ELOVL7: variants seen among roughly 807,000 people sequenced by gnomAD.
ELOVL7 encodes ELOVL fatty acid elongase 7, also known as very long chain fatty acid elongase 7.
ELOVL7 carries 27 observed loss-of-function variants against 35.7 expected under a neutral mutation model. The ratio of observed to expected loss-of-function variants is 0.76; its 90% confidence interval spans 0.56 to 1.04. The LOEUF (loss-of-function observed/expected upper bound fraction) is 1.04. ELOVL7 is among the 50% of genes least tolerant of loss of function. The pLI, the probability that ELOVL7 is intolerant of heterozygous loss-of-function variation, is 0.00. For missense variants in ELOVL7, 327 were observed against 340.8 expected, an observed-to-expected ratio of 0.96 and a Z score of 0.32; for synonymous variants, 113 against 114.6, an observed-to-expected ratio of 0.99 and a Z score of 0.09.
At chr5:60,765,567 A>G (rs1056951013) in intron 6 of ELOVL7, among the ~76,000 whole-genome samples, 2 of 152,190 alleles carry the variant, frequency 1.3e-5, no homozygotes, top group African/African-American at 2.4e-5. Flanking sequence ...CCCTGGACCA[A>G]TAAGTATTAG....
At chr5:60,818,715 A>G (rs1377450373) in intron 1 of ELOVL7, among the ~76,000 whole-genome samples, 1 of 152,022 alleles carries the variant, frequency 6.6e-6, no homozygotes, top group Non-Finnish European at 1.5e-5. Context: ...CATGGATTTA[A>G]GAAAACTTGA....
intron 3 of ELOVL7, chr5:60,783,966 T>A: frequency 1.7e-6 from 1 of 580,470 alleles, no homozygotes; most frequent in Non-Finnish European, 3.2e-6. Flanking sequence ...AAGCAGAGGA[T>A]GGGAAGGCAG....
intron 1 of ELOVL7, among the ~76,000 whole-genome samples, chr5:60,833,399 TG>T (rs1746601383): frequency 6.6e-6 from 1 of 152,108 alleles, no homozygotes; most frequent in South Asian, 2.1e-4. Context: ...GATCCTTGGG[TG>T]GGACAATGCT....
intron 3 of ELOVL7, among the ~76,000 whole-genome samples, chr5:60,775,930 G>A (rs1742876048): frequency 1.3e-5 from 2 of 152,164 alleles, no homozygotes; most frequent in South Asian, 4.2e-4. Flanking sequence ...CTTGGCAAAG[G>A]CTTTATGACC....
chr5:60,787,307 C>A, intron 3 of ELOVL7, 27 bp downstream of exon 3: 2 of 1,560,224 alleles, frequency 1.3e-6, no homozygotes, highest in Non-Finnish European at 1.7e-6. Context: ...GAAGGATGAA[C>A]CTCAATTAGG....
At chr5:60,769,053 C>T (rs1347015524) in intron 4 of ELOVL7, among the ~76,000 whole-genome samples, 8 of 152,130 alleles carry the variant, frequency 5.3e-5, no homozygotes, top group African/African-American at 1.9e-4. Flanking sequence ...CTGAGACTAG[C>T]CTCTAGCTTG....
intron 2 of ELOVL7, among the ~76,000 whole-genome samples, chr5:60,797,560 C>T (rs4235481): frequency 0.58 from 88,411 of 152,026 alleles, 26,470 homozygotes; most frequent in East Asian, 0.89. Context: ...AAGGAGAGTC[C>T]GAGGAAAGGA....
chr5:60,802,684 C>T (rs184046089), intron 1 of ELOVL7: 25 of 152,306 alleles, frequency 1.6e-4, no homozygotes, highest in African/African-American at 5.5e-4. Flanking sequence ...GAGAAAATCA[C>T]TACTATATCT....
chr5:60,801,428 G>A (rs1744606506), intron 1 of ELOVL7, among the ~76,000 whole-genome samples: 1 of 152,220 alleles, frequency 6.6e-6, no homozygotes, highest in Non-Finnish European at 1.5e-5. Flanking sequence ...AGTACCAGGT[G>A]TGGTGGCTCA....
intron 1 of ELOVL7, among the ~76,000 whole-genome samples, chr5:60,814,749 G>A (rs947559471): frequency 2.6e-5 from 4 of 152,158 alleles, no homozygotes; most frequent in African/African-American, 9.7e-5. Context: ...GTCTATGCTC[G>A]TCATGATAGC....
chr5:60,771,020 G>C (rs1742553265), intron 4 of ELOVL7, among the ~76,000 whole-genome samples: 1 of 152,186 alleles, frequency 6.6e-6, no homozygotes, highest in Non-Finnish European at 1.5e-5. Flanking sequence ...GATTTAAAGT[G>C]ATCGATATGA....
At chr5:60,763,033 G>C (rs1414587194) in intron 7 of ELOVL7, among the ~76,000 whole-genome samples, 1 of 152,138 alleles carries the variant, frequency 6.6e-6, no homozygotes, top group African/African-American at 2.4e-5. Context: ...GATTAATACA[G>C]TTACTGTTGA....
intron 1 of ELOVL7, among the ~76,000 whole-genome samples, chr5:60,813,244 G>A (rs1469974572): frequency 6.6e-6 from 1 of 152,036 alleles, no homozygotes; most frequent in African/African-American, 2.4e-5. Context: ...TCCAACCTGT[G>A]AGCTGTTACA....
chr5:60,816,796 T>C (rs1432827129), intron 1 of ELOVL7, among the ~76,000 whole-genome samples: 1 of 152,194 alleles, frequency 6.6e-6, no homozygotes, highest in Non-Finnish European at 1.5e-5. Context: ...TGAGGATCAA[T>C]GGGTAGCCAA....
chr5:60,840,478 G>T (rs1014772554), intron 1 of ELOVL7, among the ~76,000 whole-genome samples: 2 of 152,192 alleles, frequency 1.3e-5, no homozygotes, highest in African/African-American at 4.8e-5. Context: ...AGAGCTTTCA[G>T]AAGGGTTCAA....
At chr5:60,833,238 T>C (rs1271083102) in intron 1 of ELOVL7, among the ~76,000 whole-genome samples, 1 of 152,222 alleles carries the variant, frequency 6.6e-6, no homozygotes, top group Non-Finnish European at 1.5e-5. Context: ...TAAACAGGAC[T>C]GTGGTCTTGG....
At chr5:60,800,221 C>CA (rs958495701) in intron 1 of ELOVL7, among the ~76,000 whole-genome samples, 46 of 152,024 alleles carry the variant, frequency 3.0e-4, no homozygotes, top group African/African-American at 1.0e-3. Flanking sequence ...AACATACTGG[C>CA]AAAAATCCTC....
At chr5:60,771,762 T>A in intron 4 of ELOVL7, 141 bp downstream of exon 4, 1 of 584,338 alleles carries the variant, frequency 1.7e-6, no homozygotes, top group East Asian at 2.8e-5. Context: ...CTAACACTAT[T>A]TTGGCAAATA....
intron 1 of ELOVL7, among the ~76,000 whole-genome samples, chr5:60,824,116 T>C (rs1367287689): frequency 6.6e-6 from 1 of 151,918 alleles, no homozygotes; most frequent in African/African-American, 2.4e-5. Context: ...GTGCAGAGGA[T>C]TACTGTAGGA....
Sources: gnomAD v4.1 joint callset for allele counts (sites outside exome capture counted in the v4.1 genomes callset) on GRCh38, gnomAD v4.1.1 for gene constraint, MANE v1.5 for transcripts, NCBI Gene and HGNC (gene_info 2026-07-23, HGNC 2026-07-21) for gene names.